Variants in MKLN1 observed in about 807,000 individuals in gnomAD.
MKLN1 encodes the protein muskelin.
MKLN1 carries 18 observed loss-of-function variants against 99.0 expected under a neutral mutation model. That is an observed-to-expected ratio of 0.18 (90% CI 0.13 to 0.27). The LOEUF (loss-of-function observed/expected upper bound fraction) is 0.27, where lower values mean the gene tolerates loss of function less well. MKLN1 is among the 10% of genes least tolerant of loss of function. The pLI is 1.00. For synonymous variants in MKLN1, 288 were observed against 293.2 expected (o/e 0.98, Z 0.18); for missense variants, 621 against 875.9 (o/e 0.71, Z 3.67).
intron 2 of MKLN1, among the ~76,000 whole-genome samples, chr7:131,195,830 A>G (rs1206291424): frequency 6.6e-6 from 1 of 151,988 alleles, no homozygotes; most frequent in African/African-American, 2.4e-5. Flanking sequence ...GCGTGCCTGT[A>G]ATCCCAGCTA....
chr7:131,294,337 G>A (rs534021507), intron 3 of MKLN1, among the ~76,000 whole-genome samples: 61 of 152,166 alleles, frequency 4.0e-4, no homozygotes, highest in African/African-American at 1.4e-3. Flanking sequence ...ATGCTTCAAC[G>A]GTTAAAAATG....
intron 1 of MKLN1, among the ~76,000 whole-genome samples, chr7:131,338,505 A>G (rs957600368): frequency 4.6e-5 from 7 of 152,262 alleles, no homozygotes; most frequent in Admixed American, 3.3e-4. Context: ...AGTCTTAGCT[A>G]CCTCAGAAAG....
chr7:131,292,062 A>T (rs1798227207), intron 3 of MKLN1, among the ~76,000 whole-genome samples: 1 of 152,130 alleles, frequency 6.6e-6, no homozygotes, highest in Admixed American at 6.6e-5. Flanking sequence ...AGCTATGACC[A>T]TGACACTGCA....
At chr7:131,238,683 C>G (rs1797359089) in intron 3 of MKLN1, among the ~76,000 whole-genome samples, 1 of 152,232 alleles carries the variant, frequency 6.6e-6, no homozygotes, top group African/African-American at 2.4e-5. Flanking sequence ...TTATTTCACA[C>G]TTATCTGACA....
At chr7:131,251,049 T>A (rs889610029) in intron 3 of MKLN1, among the ~76,000 whole-genome samples, 1 of 151,924 alleles carries the variant, frequency 6.6e-6, no homozygotes, top group Non-Finnish European at 1.5e-5. Flanking sequence ...ATTAAGCAAT[T>A]TGAAGACTGT....
chr7:131,458,380 A>T (rs1796412004), intron 12 of MKLN1, among the ~76,000 whole-genome samples: 1 of 152,198 alleles, frequency 6.6e-6, no homozygotes, highest in Admixed American at 6.5e-5. Context: ...GAAATGCTAG[A>T]AGTATGTGAT....
At chr7:131,158,900 A>G (rs981885142) in intron 2 of MKLN1, among the ~76,000 whole-genome samples, 1 of 152,194 alleles carries the variant, frequency 6.6e-6, no homozygotes, top group African/African-American at 2.4e-5. Flanking sequence ...CAGCATACAA[A>G]TAGATTAGAT....
At chr7:131,420,894 T>C (rs546227076) in intron 8 of MKLN1, among the ~76,000 whole-genome samples, 4 of 152,282 alleles carry the variant, frequency 2.6e-5, no homozygotes, top group African/African-American at 7.2e-5. Context: ...GAAAGAAAAA[T>C]ATTTACCTGG....
intron 3 of MKLN1, among the ~76,000 whole-genome samples, chr7:131,226,598 T>C (rs544358050): frequency 6.6e-6 from 1 of 152,280 alleles, no homozygotes; most frequent in South Asian, 2.1e-4. Flanking sequence ...ATGAAAGGAA[T>C]TGTCATTTCA....
At chr7:131,351,650 G>A (rs1388228719) in intron 1 of MKLN1, among the ~76,000 whole-genome samples, 1 of 151,846 alleles carries the variant, frequency 6.6e-6, no homozygotes, top group Non-Finnish European at 1.5e-5. Context: ...TTTTTTTAGA[G>A]TCAAGGTCTC....
intron 3 of MKLN1, among the ~76,000 whole-genome samples, chr7:131,273,762 C>T (rs1280875008): frequency 6.6e-6 from 1 of 151,806 alleles, no homozygotes; most frequent in African/African-American, 2.4e-5. Flanking sequence ...GTAGCTGGAG[C>T]TACAGCGTGT....
At chr7:131,445,745 C>A in intron 11 of MKLN1, 29 bp from the exon 12 acceptor site, 1 of 1,566,548 alleles carries the variant, frequency 6.4e-7, no homozygotes, top group South Asian at 1.2e-5. Flanking sequence ...ATAAGTTACT[C>A]CTTTCTTTTT....
chr7:131,445,911 C>T lies in MKLN1; in HGVS notation c.1525+8C>T. 1.3e-6 allele frequency: 2 copies of T among 1,567,338 alleles called. No homozygotes were observed. Among genetic ancestry groups the T allele is most frequent in the Non-Finnish European group, 1.7e-6 (2 of 1,152,152 alleles). On this transcript the variant is annotated splice_region_variant and intron_variant, in intron 12 of 17. Transcript: ENST00000352689. Reference sequence around the variant, plus strand: ...AGAAAGACTCTGGGATGGGTAAGGGCATTGAGTGATTTCTTCTCTCATGTC... The same window carrying T: ...AGAAAGACTCTGGGATGGGTAAGGGTATTGAGTGATTTCTTCTCTCATGTC...
intron 17 of MKLN1, chr7:131,478,985 A>G (rs376922958): frequency 2.7e-6 from 1 of 368,474 alleles, no homozygotes; most frequent in Non-Finnish European, 4.9e-6. Context: ...TGTTTTACTG[A>G]TACACACTAT....
intron 3 of MKLN1, among the ~76,000 whole-genome samples, chr7:131,235,228 CTGTG>C (rs966958570): frequency 6.6e-6 from 1 of 151,972 alleles, no homozygotes; most frequent in Non-Finnish European, 1.5e-5. Flanking sequence ...CTCTTTCTCT[CTGTG>C]TCTCTCTCTC....
intron 8 of MKLN1, among the ~76,000 whole-genome samples, chr7:131,420,487 TG>T (rs778924179): frequency 3.9e-5 from 6 of 152,118 alleles, no homozygotes; most frequent in Non-Finnish European, 7.4e-5. Context: ...GGATCCAATA[TG>T]GTAATATGGT....
At position 131,490,206 on chromosome 7, in the gene MKLN1, C is replaced by T. The variant is rs1797391000; in HGVS notation, c.*2478C>T. ...TTGTTTATATAGCCAAGTGTATATG[C>T]TTTACTACCTAACAATTATTCTAGC... On this transcript the variant is annotated 3_prime_UTR_variant, in exon 18 of 18. Coordinates refer to ENST00000352689, the MANE Select transcript of MKLN1 (RefSeq NM_013255.5). 1 of 152,548 alleles carries T rather than the reference C, an allele frequency of 6.6e-6. No homozygotes were observed. Among genetic ancestry groups the T allele is most frequent in the Admixed American group, 6.5e-5 (1 of 15,268 alleles). 9.4% of individuals were successfully genotyped at this position (152,548 alleles called of 1,614,324 possible).
intron 11 of MKLN1, 21 bp downstream of exon 11, chr7:131,443,723 G>A: frequency 6.7e-7 from 1 of 1,494,774 alleles, no homozygotes; most frequent in Non-Finnish European, 9.3e-7. Context: ...TCCGTACATT[G>A]CGTAAATGTT....
intron 17 of MKLN1, among the ~76,000 whole-genome samples, chr7:131,484,107 T>C (rs1375893206): frequency 6.6e-6 from 1 of 152,206 alleles, no homozygotes; most frequent in Non-Finnish European, 1.5e-5. Flanking sequence ...AGATCAGTTG[T>C]ATTCTTATGA....
Sources: allele counts gnomAD v4.1 joint callset (sites outside exome capture counted in the v4.1 genomes callset), GRCh38; gene constraint gnomAD v4.1.1; transcripts MANE v1.5; gene names NCBI Gene and HGNC (gene_info 2026-07-23, HGNC 2026-07-21).